KIAA0825: variants seen among roughly 807,000 people sequenced by gnomAD.
The protein encoded by KIAA0825 is uncharacterized protein KIAA0825.
In KIAA0825, 119 loss-of-function variants were observed where a neutral mutation model predicts 147.6. The observed-to-expected ratio is 0.81, with a 90% confidence interval of 0.69 to 0.94. KIAA0825 has a LOEUF of 0.94. Ranked by LOEUF, KIAA0825 falls within the 40% of genes least tolerant of loss-of-function variation. The pLI is 0.00. For missense variants in KIAA0825, 1,381 were observed against 1,472.7 expected (o/e 0.94, Z 1.02); for synonymous variants, 470 against 518.1 (o/e 0.91, Z 1.26).
At chr5:94,179,236 C>T (rs932244997) in intron 20 of KIAA0825, among the ~76,000 whole-genome samples, 3 of 151,982 alleles carry the variant, frequency 2.0e-5, no homozygotes, top group Non-Finnish European at 2.9e-5. Context: ...TGTCAAAACA[C>T]ATAGAACTGT....
chr5:94,323,845 T>G (rs1780436286), intron 20 of KIAA0825, among the ~76,000 whole-genome samples: 1 of 151,996 alleles, frequency 6.6e-6, no homozygotes, highest in Non-Finnish European at 1.5e-5. Flanking sequence ...TCAATCATTT[T>G]GATGCAAGTC....
intron 20 of KIAA0825, among the ~76,000 whole-genome samples, chr5:94,224,521 C>T (rs1773985322): frequency 6.6e-6 from 1 of 152,078 alleles, no homozygotes; most frequent in African/African-American, 2.4e-5. Context: ...TCTTTCTTCA[C>T]TAGGAACGGT....
intron 15 of KIAA0825, among the ~76,000 whole-genome samples, chr5:94,409,859 A>G (rs1353401051): frequency 6.6e-6 from 1 of 152,238 alleles, no homozygotes; most frequent in African/African-American, 2.4e-5. Flanking sequence ...GGTGATACAC[A>G]AGTAACACAA....
intron 20 of KIAA0825, among the ~76,000 whole-genome samples, chr5:94,266,941 T>C (rs1000017417): frequency 6.6e-6 from 1 of 152,162 alleles, no homozygotes; most frequent in Non-Finnish European, 1.5e-5. Context: ...GGCCAAAAAT[T>C]TGAGAACCAC....
chr5:94,524,190 T>C, intron 3 of KIAA0825, 92 bp from the exon 4 acceptor site: 1 of 669,076 alleles, frequency 1.5e-6, no homozygotes, highest in Non-Finnish European at 2.4e-6. Flanking sequence ...TCATATGTGG[T>C]ACCTGGCTTT....
intron 20 of KIAA0825, among the ~76,000 whole-genome samples, chr5:94,305,311 T>G (rs1187637148): frequency 1.3e-5 from 2 of 151,832 alleles, no homozygotes; most frequent in Non-Finnish European, 2.9e-5. Context: ...CACACACATA[T>G]GCACACACAC....
chr5:94,610,787 GTATA>G (rs374319650), intron 1 of KIAA0825, among the ~76,000 whole-genome samples: 2 of 95,116 alleles, frequency 2.1e-5, no homozygotes, highest in Admixed American at 1.3e-4. Flanking sequence ...AAAAAAAAAA[GTATA>G]TATATATATA....
intron 20 of KIAA0825, among the ~76,000 whole-genome samples, chr5:94,201,769 T>A (rs1194412252): frequency 2.0e-5 from 3 of 152,160 alleles, no homozygotes; most frequent in Non-Finnish European, 4.4e-5. Flanking sequence ...TTGTGATCGG[T>A]ATAGGGACCA....
intron 1 of KIAA0825, among the ~76,000 whole-genome samples, chr5:94,598,064 A>G (rs1785630653): frequency 2.0e-5 from 3 of 152,136 alleles, no homozygotes; most frequent in Non-Finnish European, 4.4e-5. Context: ...AGGCTACACT[A>G]TATTTGTAAA....
chr5:94,587,010 T>C (rs1333549103), intron 1 of KIAA0825, among the ~76,000 whole-genome samples: 9 of 152,102 alleles, frequency 5.9e-5, no homozygotes, highest in Non-Finnish European at 1.3e-4. Context: ...TGCTAAAAAT[T>C]CTCAATAAAC....
At chr5:94,467,498 G>A (rs1418755937) in intron 10 of KIAA0825, among the ~76,000 whole-genome samples, 2 of 152,156 alleles carry the variant, frequency 1.3e-5, no homozygotes, top group Non-Finnish European at 2.9e-5. Context: ...CTAAAACTGA[G>A]CAGATGTCAA....
At chr5:94,532,817 C>T (rs1771095581) in intron 3 of KIAA0825, among the ~76,000 whole-genome samples, 2 of 143,222 alleles carry the variant, frequency 1.4e-5, no homozygotes, top group South Asian at 2.2e-4. Context: ...TTACATCTTT[C>T]TTTAGATTAA....
At chr5:94,154,380 A>G (rs1766836801) in intron 20 of KIAA0825, among the ~76,000 whole-genome samples, 1 of 152,198 alleles carries the variant, frequency 6.6e-6, no homozygotes, top group African/African-American at 2.4e-5. Context: ...GTTTCAAATG[A>G]GGTTTCTGTA....
At chr5:94,518,694 T>C (rs971126227) in intron 5 of KIAA0825, among the ~76,000 whole-genome samples, 8 of 152,136 alleles carry the variant, frequency 5.3e-5, no homozygotes, top group African/African-American at 1.9e-4. Context: ...ACTTAATAAT[T>C]GTTTCATATC....
At chr5:94,551,331 G>C (rs1015339100) in intron 2 of KIAA0825, among the ~76,000 whole-genome samples, 1 of 152,014 alleles carries the variant, frequency 6.6e-6, no homozygotes, top group African/African-American at 2.4e-5. Context: ...CCAAGTCCTG[G>C]GAGAGACGTG....
At chr5:94,352,898 G>T (rs946919155) in intron 20 of KIAA0825, among the ~76,000 whole-genome samples, 1 of 150,986 alleles carries the variant, frequency 6.6e-6, no homozygotes, top group Non-Finnish European at 1.5e-5. Context: ...GCATAAGAAT[G>T]ATGCAATGGA....
chr5:94,523,394 T>C (rs1768595126), intron 4 of KIAA0825, among the ~76,000 whole-genome samples: 1 of 151,590 alleles, frequency 6.6e-6, no homozygotes, highest in Non-Finnish European at 1.5e-5. Context: ...TGGTCAATAT[T>C]AAGAATACCC....
intron 2 of KIAA0825, chr5:94,570,277 ACCAGACCT>A (rs1334972505): frequency 6.6e-6 from 1 of 152,340 alleles, no homozygotes; most frequent in Non-Finnish European, 1.5e-5. Context: ...TACTATTCTC[ACCAGACCT>A]CCTGGGCGAC....
chr5:94,345,890 G>A (rs544119607), intron 20 of KIAA0825, among the ~76,000 whole-genome samples: 6 of 152,176 alleles, frequency 3.9e-5, no homozygotes, highest in African/African-American at 1.2e-4. Flanking sequence ...CACATGAGAG[G>A]GTTGTGATCA....
Sources: gnomAD v4.1 joint callset for allele counts (sites outside exome capture counted in the v4.1 genomes callset) on GRCh38, gnomAD v4.1.1 for gene constraint, MANE v1.5 for transcripts, NCBI Gene and HGNC (gene_info 2026-07-23, HGNC 2026-07-21) for gene names.